The following ARHGAP17 variants were observed in gnomAD, a reference collection of about 807,000 sequenced individuals.
ARHGAP17 encodes rho GTPase-activating protein 17.
Under a neutral mutation model 99.5 loss-of-function variants are expected in ARHGAP17, and 57 were observed. That is an observed-to-expected ratio of 0.57 (90% CI 0.46 to 0.71). The LOEUF (loss-of-function observed/expected upper bound fraction) is 0.71. Among genes scored for constraint, ARHGAP17 ranks in the 30% least tolerant of loss-of-function variants. The pLI is 0.00. For synonymous variants in ARHGAP17, 417 were observed against 429.6 expected, an observed-to-expected ratio of 0.97 and a Z score of 0.36; for missense variants, 1,000 against 1,122.4, an observed-to-expected ratio of 0.89 and a Z score of 1.56.
At chr16:24,993,542 T>C (rs1483044361) in intron 1 of ARHGAP17, among the ~76,000 whole-genome samples, 1 of 150,560 alleles carries the variant, frequency 6.6e-6, no homozygotes, top group African/African-American at 2.5e-5. Context: ...TGAGCTGAGA[T>C]TGCACCACTG....
At chr16:24,924,111 C>T (rs1252440572) in intron 19 of ARHGAP17, among the ~76,000 whole-genome samples, 1 of 152,126 alleles carries the variant, frequency 6.6e-6, no homozygotes, top group African/African-American at 2.4e-5. Flanking sequence ...ACTCCCTCCC[C>T]CTCTCCACCA....
intron 1 of ARHGAP17, among the ~76,000 whole-genome samples, chr16:25,008,206 T>C (rs1279283349): frequency 6.6e-6 from 1 of 152,232 alleles, no homozygotes; most frequent in Non-Finnish European, 1.5e-5. Flanking sequence ...AATCTTTTTT[T>C]GTAACTTATT....
rs867241397 is a variant in ARHGAP17 at position 24,929,045 on chromosome 16, A to C, written c.2515+1739T>G. On this transcript the variant is annotated intron_variant, in intron 19 of 19. Transcript: ENST00000289968. ...CACAATTTCCTCCCGTGCTGACTGCACCTGGGTCCTCTTTGGTTGGATGCT... is the reference window on the plus strand; with the variant it reads ...CACAATTTCCTCCCGTGCTGACTGCCCCTGGGTCCTCTTTGGTTGGATGCT... Among the ~76,000 whole-genome samples the C allele has an allele frequency of 4.5e-4, 69 of 152,304 alleles. 1 individual carries two copies. In the Middle Eastern group the frequency reaches 0.01, roughly 23 times the overall value.
chr16:25,011,979 C>G (rs2053655489), intron 1 of ARHGAP17, among the ~76,000 whole-genome samples: 1 of 152,094 alleles, frequency 6.6e-6, no homozygotes, highest in African/African-American at 2.4e-5. Flanking sequence ...ATTAGCCATC[C>G]CTCTTAAGCA....
At chr16:24,931,816 T>C (rs964491560) in intron 18 of ARHGAP17, among the ~76,000 whole-genome samples, 1 of 152,176 alleles carries the variant, frequency 6.6e-6, no homozygotes, top group African/African-American at 2.4e-5. Flanking sequence ...ATGTGGAGTC[T>C]AGTTAATGGT....
chr16:24,984,461 T>A (rs2052796267), intron 1 of ARHGAP17, among the ~76,000 whole-genome samples: 1 of 151,902 alleles, frequency 6.6e-6, no homozygotes, highest in African/African-American at 2.4e-5. Flanking sequence ...GGTCAGGAGA[T>A]CGAGACCACG....
chr16:24,967,877 C>T (rs991313206), intron 6 of ARHGAP17, among the ~76,000 whole-genome samples: 1 of 151,984 alleles, frequency 6.6e-6, no homozygotes, highest in Non-Finnish European at 1.5e-5. Flanking sequence ...TCCTGACAGA[C>T]TCCTTCGCTG....
intron 1 of ARHGAP17, among the ~76,000 whole-genome samples, chr16:24,997,745 G>C (rs972475343): frequency 2.6e-5 from 4 of 152,188 alleles, no homozygotes; most frequent in African/African-American, 9.7e-5. Context: ...TTTCTGCCTT[G>C]AGGGACTGGC....
In ARHGAP17 at chr16:24,939,502, G is replaced by C. The variant is rs2051250215; in HGVS notation, c.1586C>G (p.Pro529Arg). The change falls in exon 17 of 20, where the codon CCC becomes CGC. Residue 529 changes from proline to arginine, a missense_variant. Physicochemically the swap from Pro to Arg is moderately radical, Grantham distance 103. This residue lies in a region of ARHGAP17 where 528 missense variants were observed against 511.4 expected (regional missense o/e 1.03). Transcript: ENST00000289968. ...GGGCACCACGGTGCTGCCATCTGTG[G>C]GCGGAAGTGGCGGCTGGAAAGCGGG... ...ISPAFQPPLPPTDGSTVVPAG... is the reference protein window; with the variant it reads ...ISPAFQPPLPRTDGSTVVPAG... 1.2e-6 allele frequency: 2 copies of C among 1,610,982 alleles called. No homozygotes were observed. The highest frequency in any genetic ancestry group is 4.5e-5 in the East Asian group (2 of 44,800).
intron 1 of ARHGAP17, chr16:25,013,916 C>CGTA (rs2053710753): frequency 1.3e-5 from 2 of 152,156 alleles, no homozygotes; most frequent in Admixed American, 1.3e-4. Flanking sequence ...CCGCCATTAC[C>CGTA]ACACGTCTAC....
chr16:25,006,375 G>A (rs758766928), intron 1 of ARHGAP17, among the ~76,000 whole-genome samples: 1 of 151,310 alleles, frequency 6.6e-6, no homozygotes, highest in East Asian at 1.9e-4. Context: ...GCTTGAACCC[G>A]GGAGACAGAG....
intron 14 of ARHGAP17, among the ~76,000 whole-genome samples, chr16:24,944,894 G>A (rs2051422605): frequency 6.6e-6 from 1 of 152,006 alleles, no homozygotes; most frequent in Admixed American, 6.6e-5. Flanking sequence ...GGGATTACAG[G>A]CGTGAGCCAC....
At chr16:24,936,000 T>C in intron 17 of ARHGAP17, 1 of 340,226 alleles carries the variant, frequency 2.9e-6, no homozygotes, top group Non-Finnish European at 5.7e-6. Context: ...CTCCAACGAC[T>C]CTGCCACTCC....
chr16:25,015,139 T>TGGGGG, intron 1 of ARHGAP17, 70 bp downstream of exon 1: 2 of 1,195,748 alleles, frequency 1.7e-6, no homozygotes, highest in African/African-American at 3.4e-5. Context: ...GGAGGAGCCG[T>TGGGGG]CCCGCCCCCG....
At chr16:24,995,365 T>C (rs2053163575) in intron 1 of ARHGAP17, among the ~76,000 whole-genome samples, 1 of 152,064 alleles carries the variant, frequency 6.6e-6, no homozygotes, top group East Asian at 1.9e-4. Flanking sequence ...ATCCTGAAAC[T>C]GGTGATGGCT....
At chr16:24,933,750 G>T (rs1320434559) in intron 18 of ARHGAP17, among the ~76,000 whole-genome samples, 5 of 152,136 alleles carry the variant, frequency 3.3e-5, no homozygotes, top group African/African-American at 1.2e-4. Flanking sequence ...AGTGTCAGGG[G>T]GAGGGGGCTG....
chr16:24,929,234 C>T (rs985314082), intron 19 of ARHGAP17, among the ~76,000 whole-genome samples: 2 of 151,406 alleles, frequency 1.3e-5, no homozygotes, highest in African/African-American at 4.9e-5. Context: ...GACACAATCA[C>T]TACCCACTGC....
chr16:24,947,782 T>C (rs2051517947), intron 13 of ARHGAP17, among the ~76,000 whole-genome samples, 187 bp from the exon 14 acceptor site: 1 of 152,178 alleles, frequency 6.6e-6, no homozygotes, highest in Admixed American at 6.5e-5. Flanking sequence ...ATAGACTAAT[T>C]AGGGCTTGGA....
At chr16:24,941,964 G>A in intron 16 of ARHGAP17, 23 bp downstream of exon 16, 2 of 1,613,704 alleles carry the variant, frequency 1.2e-6, no homozygotes, top group Non-Finnish European at 1.7e-6. Context: ...CTGCTGGTTT[G>A]GAAGTGAACG....
Sources: gnomAD v4.1 joint callset for allele counts (sites outside exome capture counted in the v4.1 genomes callset) on GRCh38, gnomAD v4.1.1 for gene constraint, gnomAD v4.1.1 regional missense constraint, MANE v1.5 for transcripts, NCBI Gene and HGNC (gene_info 2026-07-23, HGNC 2026-07-21) for gene names.